Variants in ROBO2 observed in about 807,000 individuals in gnomAD.
The protein encoded by ROBO2 is roundabout homolog 2.
A neutral mutation model predicts 160.8 loss-of-function variants in ROBO2; 53 were observed. The observed-to-expected ratio is 0.33, with a 90% CI of 0.26 to 0.41. The LOEUF (loss-of-function observed/expected upper bound fraction) is 0.41, where lower values mean the gene tolerates loss of function less well. ROBO2 is among the 10% of genes least tolerant of loss of function. The pLI, the probability that ROBO2 is intolerant of heterozygous loss-of-function variation, is 1.00. For synonymous variants in ROBO2, 664 were observed against 611.7 expected (o/e 1.09, Z -1.26); for missense variants, 1,577 against 1,722.4 (o/e 0.92, Z 1.49).
At chr3:75,925,801 T>C (rs13075591) in intron 1 of ROBO2, among the ~76,000 whole-genome samples, 13,601 of 152,224 alleles carry the variant, frequency 0.089, 790 homozygotes, top group South Asian at 0.13. Context: ...AATAGTCATA[T>C]AGATGAGGTA....
intron 2 of ROBO2, among the ~76,000 whole-genome samples, chr3:76,482,840 T>C (rs893350330): frequency 6.6e-6 from 1 of 152,156 alleles, no homozygotes; most frequent in Admixed American, 6.6e-5. Context: ...AATAAAAGAA[T>C]TGTTAATATC....
intron 2 of ROBO2, among the ~76,000 whole-genome samples, chr3:76,041,934 C>G (rs1328170950): frequency 6.6e-6 from 1 of 150,910 alleles, no homozygotes; most frequent in Non-Finnish European, 1.5e-5. Flanking sequence ...TCGGAAATCT[C>G]AGAACTGACA....
chr3:75,917,397 A>G (rs1946856475), intron 1 of ROBO2, among the ~76,000 whole-genome samples: 1 of 152,218 alleles, frequency 6.6e-6, no homozygotes, highest in South Asian at 2.1e-4. Context: ...ATAGTATTCC[A>G]TGGTGAATAT....
At chr3:77,343,134 A>G (rs1295930621) in intron 2 of ROBO2, among the ~76,000 whole-genome samples, 1 of 152,018 alleles carries the variant, frequency 6.6e-6, no homozygotes, top group Non-Finnish European at 1.5e-5. Flanking sequence ...TGCTGCTCTT[A>G]TGACCTCATT....
intron 6 of ROBO2, 21 bp from the exon 7 acceptor site, chr3:77,527,382 A>G: frequency 7.8e-7 from 1 of 1,287,294 alleles, no homozygotes; most frequent in Non-Finnish European, 1.0e-6. Flanking sequence ...TGTTCTCACC[A>G]CACCATTGTA....
At chr3:77,377,823 T>C (rs960263719) in intron 2 of ROBO2, among the ~76,000 whole-genome samples, 5 of 152,216 alleles carry the variant, frequency 3.3e-5, no homozygotes, top group Admixed American at 6.5e-5. Context: ...TCCCATTAGA[T>C]TGGACATAAA....
chr3:77,182,748 C>T (rs1390059113), intron 2 of ROBO2, among the ~76,000 whole-genome samples: 1 of 152,050 alleles, frequency 6.6e-6, no homozygotes, highest in Non-Finnish European at 1.5e-5. Flanking sequence ...TCCATAGAGA[C>T]TCTGTGTTCC....
At chr3:76,015,601 G>T (rs2066384456) in intron 2 of ROBO2, among the ~76,000 whole-genome samples, 1 of 152,162 alleles carries the variant, frequency 6.6e-6, no homozygotes. Context: ...TTATGTTCTG[G>T]TATGGGAAGA....
chr3:76,516,742 T>A (rs1046373153), intron 2 of ROBO2, among the ~76,000 whole-genome samples: 2 of 152,078 alleles, frequency 1.3e-5, no homozygotes, highest in Non-Finnish European at 2.9e-5. Context: ...AAGATCAAAT[T>A]TTCTGTAATT....
intron 2 of ROBO2, among the ~76,000 whole-genome samples, chr3:76,736,011 C>T (rs1195595822): frequency 3.3e-5 from 5 of 151,816 alleles, no homozygotes; most frequent in Admixed American, 6.6e-5. Context: ...AGGCCGGGCG[C>T]GGTGGCTCAC....
In ROBO2 at chr3:76,774,088, A is replaced by T. The variant is rs868503906; in HGVS notation, c.110-323926A>T. Among the ~76,000 whole-genome samples, 3 of 150,960 alleles carry T rather than the reference A, an allele frequency of 2.0e-5. 1 individual carries two copies. Among genetic ancestry groups the T allele is most frequent in the Non-Finnish European group, 4.5e-5 (3 of 67,250 alleles). ...TTGAATAATTGAGCAAGCAGTAAAT[A>T]TGTTCAGAAACTAAATCATAAACAC... On this transcript the variant is annotated intron_variant, in intron 2 of 26. Transcript: ENST00000487694.
chr3:76,498,681 T>G (rs1050138317), intron 2 of ROBO2, among the ~76,000 whole-genome samples: 2 of 136,884 alleles, frequency 1.5e-5, no homozygotes, highest in Non-Finnish European at 3.2e-5. Context: ...TTAGTTTGTC[T>G]GCTTTTTTTT....
intron 2 of ROBO2, among the ~76,000 whole-genome samples, chr3:77,438,983 A>G (rs191090160): frequency 6.6e-6 from 1 of 152,182 alleles, no homozygotes; most frequent in East Asian, 1.9e-4. Context: ...CATTTAAACT[A>G]AAAGAAATCT....
At chr3:77,512,912 A>T (rs541821193) in intron 5 of ROBO2, among the ~76,000 whole-genome samples, 1 of 152,092 alleles carries the variant, frequency 6.6e-6, no homozygotes, top group African/African-American at 2.4e-5. Context: ...TTAATACAGC[A>T]GATGCATAAT....
Position 77,526,802 on chromosome 3 carries a change from A to C in ROBO2, c.934+3900A>C, listed in dbSNP as rs1430805727. 2.0e-5 allele frequency among the ~76,000 whole-genome samples: 3 copies of C among 151,564 alleles called. No homozygotes were observed. The South Asian group carries it at 6.2e-4, about 31-fold the overall frequency. ...CTGCCCTCTGCCAGAAGAAGAAAAA[A>C]GCTTAACAGTAGTTAGGGAGCTACT... is the stretch of plus-strand genomic sequence containing the variant. On this transcript the variant is annotated intron_variant, in intron 6 of 25. Transcript: ENST00000461745.
chr3:77,594,352 T>C (rs1171190725), intron 17 of ROBO2, among the ~76,000 whole-genome samples: 1 of 152,216 alleles, frequency 6.6e-6, no homozygotes, highest in Non-Finnish European at 1.5e-5. Flanking sequence ...GAACTGATAA[T>C]AACATTCTTT....
At position 76,612,824 on chromosome 3, in the gene ROBO2, A is replaced by G. The variant is rs533861288; in HGVS notation, c.110-485190A>G. Among the ~76,000 whole-genome samples, 12 of 152,314 alleles carry G rather than the reference A, an allele frequency of 7.9e-5. No individual in the cohort carries two copies. The South Asian group carries it at 1.7e-3, about 21-fold the overall frequency. On this transcript the variant is annotated intron_variant, in intron 2 of 26. Transcript: ENST00000487694. ...GTCTAATTGATCTCTTTATGATTAT[A>G]TAACGATCTCCTTTGTCTCTTTTTG...
At chr3:76,134,216 GA>G (rs372781038) in intron 2 of ROBO2, among the ~76,000 whole-genome samples, 425 of 152,116 alleles carry the variant, frequency 2.8e-3, no homozygotes, top group African/African-American at 9.6e-3. Flanking sequence ...AAGACACGAG[GA>G]ATTTCTCATG....
intron 2 of ROBO2, among the ~76,000 whole-genome samples, chr3:77,294,879 A>C (rs1453472826): frequency 6.6e-6 from 1 of 151,742 alleles, no homozygotes; most frequent in Non-Finnish European, 1.5e-5. Flanking sequence ...GACATAAAGT[A>C]AAATTGACAG....
Sources: gnomAD v4.1 joint callset for allele counts (sites outside exome capture counted in the v4.1 genomes callset) on GRCh38, gnomAD v4.1.1 for gene constraint, MANE v1.5 for transcripts, NCBI Gene and HGNC (gene_info 2026-07-23, HGNC 2026-07-21) for gene names.